The following GRIA4 variants were observed in gnomAD, a reference collection of about 807,000 sequenced individuals.
The protein encoded by GRIA4 is glutamate receptor 4.
GRIA4 carries 34 observed loss-of-function variants against 104.0 expected under a neutral mutation model. That is an observed-to-expected ratio of 0.33 (90% CI 0.25 to 0.44). The LOEUF (loss-of-function observed/expected upper bound fraction) is 0.44. Ranked by LOEUF, GRIA4 falls within the 20% of genes least tolerant of loss-of-function variation. The pLI, the probability that GRIA4 is intolerant of heterozygous loss-of-function variation, is 1.00. For synonymous variants in GRIA4, 386 were observed against 381.9 expected (o/e 1.01, Z -0.13); for missense variants, 750 against 1,096.5 (o/e 0.68, Z 4.46).
chr11:105,695,468 G>A (rs1953239676), intron 3 of GRIA4, among the ~76,000 whole-genome samples: 1 of 93,046 alleles, frequency 1.1e-5, no homozygotes, highest in African/African-American at 3.6e-5. Context: ...GTCTGTGTGT[G>A]TGTGTGTGTC....
intron 4 of GRIA4, among the ~76,000 whole-genome samples, chr11:105,758,098 G>T (rs977348210): frequency 6.6e-6 from 1 of 151,972 alleles, no homozygotes; most frequent in African/African-American, 2.4e-5. Flanking sequence ...ATAAAAACTA[G>T]CTGAGCATGG....
At chr11:105,820,331 T>C (rs1943531218) in intron 4 of GRIA4, among the ~76,000 whole-genome samples, 2 of 152,152 alleles carry the variant, frequency 1.3e-5, no homozygotes, top group South Asian at 2.1e-4. Context: ...ACTTTTTCTA[T>C]TGAGACATCT....
intron 3 of GRIA4, among the ~76,000 whole-genome samples, chr11:105,670,409 T>C (rs957020344): frequency 6.6e-6 from 1 of 152,166 alleles, no homozygotes; most frequent in African/African-American, 2.4e-5. Flanking sequence ...AAGAAGCCTA[T>C]GCATTGTCAT....
chr11:105,861,971 T>A (rs916033480), intron 4 of GRIA4, 53 bp from the exon 5 acceptor site: 11 of 1,087,932 alleles, frequency 1.0e-5, no homozygotes, highest in Non-Finnish European at 1.4e-5. Flanking sequence ...CCTGCATACA[T>A]CATTAAAGGG....
At chr11:105,625,604 CCT>C (rs1222270061) in intron 3 of GRIA4, among the ~76,000 whole-genome samples, 3 of 152,042 alleles carry the variant, frequency 2.0e-5, no homozygotes, top group Non-Finnish European at 4.4e-5. Context: ...ACAATACACC[CCT>C]GTTACGATCA....
chr11:105,675,308 T>G (rs1952502391), intron 3 of GRIA4, among the ~76,000 whole-genome samples: 1 of 151,822 alleles, frequency 6.6e-6, no homozygotes, highest in African/African-American at 2.4e-5. Context: ...ATCCAGTTAA[T>G]TTGGAACTGA....
chr11:105,754,434 T>C (rs1021639777), intron 4 of GRIA4, among the ~76,000 whole-genome samples: 1 of 152,158 alleles, frequency 6.6e-6, no homozygotes, highest in Non-Finnish European at 1.5e-5. Flanking sequence ...AAGTGAGTAA[T>C]TGAAGGGCCA....
At chr11:105,939,781 T>C (rs1044041375) in intron 14 of GRIA4, among the ~76,000 whole-genome samples, 1 of 152,180 alleles carries the variant, frequency 6.6e-6, no homozygotes, top group African/African-American at 2.4e-5. Context: ...TCAAGTGACA[T>C]ATTCGCTATT....
At chr11:105,760,592 G>A (rs1352264098) in intron 4 of GRIA4, among the ~76,000 whole-genome samples, 2 of 152,124 alleles carry the variant, frequency 1.3e-5, no homozygotes, top group African/African-American at 2.4e-5. Context: ...TTTTCTGGAT[G>A]AGTTTGCATA....
chr11:105,781,957 T>C (rs544520263), intron 4 of GRIA4, among the ~76,000 whole-genome samples: 10 of 152,172 alleles, frequency 6.6e-5, no homozygotes, highest in East Asian at 3.9e-4. Context: ...CCTTTGTTAA[T>C]TGTAAAATAA....
chr11:105,921,431 T>C (rs1332260006), intron 11 of GRIA4, among the ~76,000 whole-genome samples: 1 of 151,886 alleles, frequency 6.6e-6, no homozygotes, highest in Non-Finnish European at 1.5e-5. Context: ...TTTTACACAC[T>C]CAATTTTGGG....
At chr11:105,675,553 G>A (rs2135450462) in intron 3 of GRIA4, among the ~76,000 whole-genome samples, 1 of 151,782 alleles carries the variant, frequency 6.6e-6, no homozygotes, top group South Asian at 2.1e-4. Flanking sequence ...GTGTCATATT[G>A]CTCCCCAGTT....
rs1315970503 is a variant in GRIA4, at chr11:105,611,023, T to C, written c.26T>C (p.Val9Ala). 2 of 1,613,006 alleles carry C rather than the reference T, an allele frequency of 1.2e-6. No individual in the cohort carries two copies. The highest frequency in any genetic ancestry group is 1.3e-5 in the African/African-American group (1 of 74,798). The stretch of plus-strand genomic sequence containing the variant: ...ATGAGGATTATTTCCAGACAGATTG[T>C]CTTGTTATTTTCTGGATTTTGGGGA... MRIISRQI[V>A]LLFSGFWGLA... Residue 9 changes from valine to alanine, a missense_variant, in exon 2 of 17, where the codon GTC (valine) becomes GCC (alanine). This residue lies in a region of GRIA4 where 410 missense variants were observed against 502.7 expected (regional missense o/e 0.82). Transcript: ENST00000282499.
chr11:105,754,223 G>C (rs1435236128), intron 4 of GRIA4, among the ~76,000 whole-genome samples: 2 of 151,948 alleles, frequency 1.3e-5, no homozygotes, highest in Non-Finnish European at 2.9e-5. Flanking sequence ...AATTCCAGGG[G>C]GTTTAGTAAT....
intron 4 of GRIA4, among the ~76,000 whole-genome samples, chr11:105,758,855 G>C (rs1940460428): frequency 6.6e-6 from 1 of 151,984 alleles, no homozygotes; most frequent in Non-Finnish European, 1.5e-5. Flanking sequence ...ATGACATACA[G>C]GCCAATATTT....
At chr11:105,839,433 A>G (rs1944309763) in intron 4 of GRIA4, among the ~76,000 whole-genome samples, 1 of 133,086 alleles carries the variant, frequency 7.5e-6, no homozygotes, top group Admixed American at 8.7e-5. Context: ...TTCTATTCTG[A>G]CAGTGACTTC....
intron 5 of GRIA4, among the ~76,000 whole-genome samples, chr11:105,871,111 T>A (rs1945597551): frequency 6.6e-6 from 1 of 152,108 alleles, no homozygotes; most frequent in African/African-American, 2.4e-5. Context: ...GCAGTTTATA[T>A]TTTAGTGGGG....
intron 4 of GRIA4, among the ~76,000 whole-genome samples, chr11:105,827,587 G>A (rs1455740666): frequency 3.3e-5 from 5 of 151,956 alleles, no homozygotes; most frequent in East Asian, 1.9e-4. Flanking sequence ...TGGTACCACC[G>A]TCATTCATAA....
At chr11:105,801,229 T>C (rs936913495) in intron 4 of GRIA4, among the ~76,000 whole-genome samples, 4 of 151,580 alleles carry the variant, frequency 2.6e-5, no homozygotes, top group African/African-American at 9.7e-5. Flanking sequence ...AATATTTAAA[T>C]ATTTAATATT....
Sources: allele counts gnomAD v4.1 joint callset (sites outside exome capture counted in the v4.1 genomes callset), GRCh38; gene constraint gnomAD v4.1.1; regional missense constraint gnomAD v4.1.1; transcripts MANE v1.5; gene names NCBI Gene and HGNC (gene_info 2026-07-23, HGNC 2026-07-21).